PXK: variants seen among roughly 807,000 people sequenced by gnomAD.
PXK encodes PX domain containing serine/threonine kinase like.
PXK carries 35 observed loss-of-function variants against 84.7 expected under a neutral mutation model. The ratio of observed to expected loss-of-function variants is 0.41; its 90% CI spans 0.32 to 0.55. The LOEUF is 0.55. Ranked by LOEUF, PXK falls within the 20% of genes least tolerant of loss-of-function variation. The pLI is 0.21. For missense variants in PXK, 634 were observed against 699.7 expected, an observed-to-expected ratio of 0.91 and a Z score of 1.06; for synonymous variants, 253 against 260.8, an observed-to-expected ratio of 0.97 and a Z score of 0.29.
intron 1 of PXK, among the ~76,000 whole-genome samples, chr3:58,344,492 CTGCAGAGCTGGCTAT>C (rs2097784085): frequency 6.6e-6 from 1 of 152,180 alleles, no homozygotes; most frequent in East Asian, 1.9e-4. Flanking sequence ...CCTTACCAGG[CTGCAGAGCTGGCTAT>C]TGGTGTTCAG....
chr3:58,347,918 T>C (rs752988459), intron 1 of PXK, among the ~76,000 whole-genome samples: 1 of 152,018 alleles, frequency 6.6e-6, no homozygotes, highest in Non-Finnish European at 1.5e-5. Flanking sequence ...TAATGAACTT[T>C]GTTTTGTTTT....
intron 1 of PXK, among the ~76,000 whole-genome samples, chr3:58,334,957 G>C (rs199689932): frequency 0.13 from 15,388 of 118,510 alleles, 776 homozygotes; most frequent in South Asian, 0.17. Flanking sequence ...GTGTGTGTGT[G>C]TCTGTGTGTG....
intron 4 of PXK, among the ~76,000 whole-genome samples, chr3:58,384,348 G>A (rs1440057331): frequency 2.0e-5 from 3 of 152,314 alleles, no homozygotes; most frequent in African/African-American, 4.8e-5. Context: ...TTTCCTAACC[G>A]AAGTGCTCTA....
intron 17 of PXK, among the ~76,000 whole-genome samples, chr3:58,423,686 G>T (rs2062323413): frequency 6.6e-6 from 1 of 152,154 alleles, no homozygotes; most frequent in African/African-American, 2.4e-5. Context: ...TGTCTCCCTG[G>T]AGTAGCCCTG....
chr3:58,369,216 A>T (rs2098326397), intron 2 of PXK, among the ~76,000 whole-genome samples: 1 of 152,228 alleles, frequency 6.6e-6, no homozygotes, highest in African/African-American at 2.4e-5. Context: ...GGTATTAACC[A>T]GTTTCCCATG....
rs922868552 is a variant in PXK at position 58,397,513 on chromosome 3, G to A, written c.985-92G>A. ...CAATTAGGAACGGGGCTATCCCTGG[G>A]CTTTGTTTCTCAGAGAAGCCTTGGG... On this transcript the variant is annotated intron_variant, in intron 10 of 17. Transcript: ENST00000356151. The surrounding 1 kb of genome is among the most constrained non-coding windows in gnomAD (Gnocchi z 4.7). 34 of 1,106,988 alleles carry A rather than the reference G, an allele frequency of 3.1e-5. No homozygotes were observed. Among genetic ancestry groups the A allele is most frequent in the Middle Eastern group, 4.2e-4 (2 of 4,734 alleles). The allele number at this position is 1,106,988 out of a possible 1,614,324, so 68.6% of individuals were successfully genotyped here.
intron 1 of PXK, among the ~76,000 whole-genome samples, chr3:58,352,202 G>A (rs1404218115): frequency 6.6e-6 from 1 of 152,204 alleles, no homozygotes; most frequent in African/African-American, 2.4e-5. Context: ...TCCTCCTTCA[G>A]GTTCCAGAAG....
intron 2 of PXK, among the ~76,000 whole-genome samples, chr3:58,368,155 C>A (rs954377695): frequency 6.6e-6 from 1 of 151,732 alleles, no homozygotes; most frequent in Non-Finnish European, 1.5e-5. Context: ...TTTTCTTGGT[C>A]TGTCCGTGTA....
intron 1 of PXK, among the ~76,000 whole-genome samples, chr3:58,344,902 C>T (rs2097790001): frequency 6.6e-6 from 1 of 152,220 alleles, no homozygotes; most frequent in Admixed American, 6.5e-5. Flanking sequence ...GGAGGCCAGA[C>T]CTGAAGGGAG....
At chr3:58,337,630 T>C (rs1483687124) in intron 1 of PXK, among the ~76,000 whole-genome samples, 3 of 152,126 alleles carry the variant, frequency 2.0e-5, no homozygotes, top group African/African-American at 7.2e-5. Flanking sequence ...CCACCATACC[T>C]GGCTAATTCT....
intron 4 of PXK, among the ~76,000 whole-genome samples, chr3:58,387,817 G>A (rs2098571722): frequency 6.6e-6 from 1 of 152,086 alleles, no homozygotes; most frequent in Non-Finnish European, 1.5e-5. Flanking sequence ...GAGAGAGGGA[G>A]AGAGTCCTGG....
chr3:58,346,853 G>C (rs1270058949), intron 1 of PXK, among the ~76,000 whole-genome samples: 1 of 150,788 alleles, frequency 6.6e-6, no homozygotes, highest in African/African-American at 2.4e-5. Flanking sequence ...AGGGTGGGGT[G>C]GGGGGCACGG....
rs948301012 is a variant in PXK, at chr3:58,398,152, G to A, written c.1102+430G>A. 6.6e-6 allele frequency among the ~76,000 whole-genome samples: 1 copy of A among 152,180 alleles called. No individual in the cohort carries two copies. The highest frequency in any genetic ancestry group is 2.4e-5 in the African/African-American group (1 of 41,444). ...ATGGTGGCTCACACCTGTAATCCCAGCACTTTGGAAGGCCGAGGTGGGTGG... is the reference window on the plus strand; with the variant it reads ...ATGGTGGCTCACACCTGTAATCCCAACACTTTGGAAGGCCGAGGTGGGTGG... On this transcript the variant is annotated intron_variant, in intron 11 of 17. Coordinates refer to ENST00000356151, the MANE Select transcript of PXK (RefSeq NM_017771.5). The surrounding 1 kb of genome is among the most constrained non-coding windows in gnomAD (Gnocchi z 4.5).
chr3:58,408,852 C>T (rs1226943468), intron 13 of PXK, 72 bp from the exon 14 acceptor site: 1 of 1,183,180 alleles, frequency 8.5e-7, no homozygotes, highest in Non-Finnish European at 1.3e-6. Context: ...CCTGCTCCTT[C>T]ATTTACTCCA....
intron 17 of PXK, among the ~76,000 whole-genome samples, chr3:58,418,068 C>T (rs1476394231): frequency 2.0e-5 from 3 of 152,196 alleles, no homozygotes; most frequent in Non-Finnish European, 4.4e-5. Context: ...ATCTGCCCGC[C>T]TTAGCCTCCC....
intron 17 of PXK, among the ~76,000 whole-genome samples, chr3:58,419,042 GT>G (rs1338168597): frequency 2.0e-5 from 3 of 152,230 alleles, no homozygotes; most frequent in Non-Finnish European, 2.9e-5. Flanking sequence ...TTATGCTTAG[GT>G]TCAACAAAGT....
At chr3:58,348,186 G>T (rs138932209) in intron 1 of PXK, among the ~76,000 whole-genome samples, 2,641 of 152,296 alleles carry the variant, frequency 0.017, 73 homozygotes, top group African/African-American at 0.06. Context: ...TGGGATTACA[G>T]GTGTGAGCTG....
At chr3:58,408,258 A>G (rs1042730560) in intron 13 of PXK, among the ~76,000 whole-genome samples, 1 of 152,162 alleles carries the variant, frequency 6.6e-6, no homozygotes, top group East Asian at 1.9e-4. Flanking sequence ...TCAGTACCAC[A>G]CTGTTTTAAT....
chr3:58,414,338 CT>C lies in PXK; in HGVS notation c.1528+1376del, dbSNP rs1315987413. 8 of 152,208 alleles carry C rather than the reference CT, an allele frequency of 5.3e-5. No homozygotes were observed. The highest frequency in any genetic ancestry group is 1.0e-4 in the Non-Finnish European group (7 of 68,034). 9.4% of individuals were successfully genotyped at this position (152,208 alleles called of 1,614,324 possible). A position where few individuals can be genotyped will look rare whatever the true frequency, so the allele number is the denominator to read the frequency against. ...GCGTCTGTTTAAGGGTTCACAGCCC[CT>C]GTCTGTGTGGTTAGATCTGCCCCTG... On this transcript the variant is annotated intron_variant, in intron 17 of 17. Transcript: ENST00000356151. The surrounding 1 kb of genome is among the most constrained non-coding windows in gnomAD (Gnocchi z 4.5).
Sources: allele counts gnomAD v4.1 joint callset (sites outside exome capture counted in the v4.1 genomes callset), GRCh38; gene constraint gnomAD v4.1.1; non-coding constraint Gnocchi (gnomAD v3.1); transcripts MANE v1.5; gene names NCBI Gene and HGNC (gene_info 2026-07-23, HGNC 2026-07-21).